Variants in RBFOX1 observed in about 807,000 individuals in gnomAD.
RBFOX1 encodes RNA binding protein fox-1 homolog 1.
Under a neutral mutation model 57.7 loss-of-function variants are expected in RBFOX1, and 8 were observed. The observed-to-expected ratio is 0.14, with a 90% CI of 0.08 to 0.25. The LOEUF is 0.25. Ranked by LOEUF, RBFOX1 falls within the 10% of genes least tolerant of loss-of-function variation. RBFOX1 has a pLI of 1.00. For missense variants in RBFOX1, 611 were observed against 548.5 expected, an observed-to-expected ratio of 1.11 and a Z score of -1.14; for synonymous variants, 326 against 222.4, an observed-to-expected ratio of 1.47 and a Z score of -4.15.
chr16:6,389,864 T>C (rs917516205), intron 2 of RBFOX1, among the ~76,000 whole-genome samples: 1 of 152,114 alleles, frequency 6.6e-6, no homozygotes, highest in Non-Finnish European at 1.5e-5. Context: ...TTTGGGATAA[T>C]AGGATTGTAC....
intron 4 of RBFOX1, among the ~76,000 whole-genome samples, chr16:7,212,480 A>T (rs1333931144): frequency 2.6e-5 from 4 of 152,280 alleles, no homozygotes; most frequent in African/African-American, 7.2e-5. Context: ...AGTTTAGGGA[A>T]TTACAAAATC....
At chr16:5,419,072 C>T (rs960036539) in intron 1 of RBFOX1, among the ~76,000 whole-genome samples, 4 of 152,198 alleles carry the variant, frequency 2.6e-5, no homozygotes, top group African/African-American at 7.2e-5. Context: ...GACAGACCAG[C>T]TTACCTGAGC....
At chr16:5,954,631 CT>C (rs1169417332) in intron 4 of RBFOX1, among the ~76,000 whole-genome samples, 2 of 152,116 alleles carry the variant, frequency 1.3e-5, no homozygotes, top group Non-Finnish European at 2.9e-5. Flanking sequence ...GCTCTGGAAA[CT>C]GTAATGAGGA....
At chr16:6,520,862 A>C (rs983329815) in intron 2 of RBFOX1, among the ~76,000 whole-genome samples, 1 of 152,194 alleles carries the variant, frequency 6.6e-6, no homozygotes, top group South Asian at 2.1e-4. Flanking sequence ...TGCTATTGTC[A>C]ATAGAAAGTA....
chr16:5,979,145 G>T (rs980638554), intron 4 of RBFOX1, among the ~76,000 whole-genome samples: 1 of 152,204 alleles, frequency 6.6e-6, no homozygotes, highest in Non-Finnish European at 1.5e-5. Context: ...AAAGCTTCCA[G>T]TTAAAACTCC....
intron 3 of RBFOX1, among the ~76,000 whole-genome samples, chr16:6,966,828 T>A (rs1289588662): frequency 3.3e-5 from 5 of 149,422 alleles, no homozygotes; most frequent in Admixed American, 1.3e-4. Context: ...TCTATCTATC[T>A]GTCTATCTAT....
At chr16:5,651,644 T>G (rs1479813504) in intron 3 of RBFOX1, among the ~76,000 whole-genome samples, 1 of 152,170 alleles carries the variant, frequency 6.6e-6, no homozygotes, top group Non-Finnish European at 1.5e-5. Context: ...ATCAGCTGTG[T>G]GAATTCCCAG....
intron 4 of RBFOX1, among the ~76,000 whole-genome samples, chr16:5,891,033 G>C (rs780932141): frequency 6.6e-6 from 1 of 152,144 alleles, no homozygotes; most frequent in Non-Finnish European, 1.5e-5. Context: ...GAGAAGATGC[G>C]TGCAAATCCC....
At chr16:5,818,919 A>T (rs1035679898) in intron 3 of RBFOX1, among the ~76,000 whole-genome samples, 2 of 152,060 alleles carry the variant, frequency 1.3e-5, no homozygotes, top group East Asian at 3.9e-4. Flanking sequence ...CCTTTGACTC[A>T]TCTCTTTCCC....
chr16:7,002,677 A>T (rs1006106287), intron 3 of RBFOX1, among the ~76,000 whole-genome samples: 28 of 152,336 alleles, frequency 1.8e-4, no homozygotes, highest in African/African-American at 6.7e-4. Flanking sequence ...GCGCCACTGC[A>T]CTCCAGCCTG....
In RBFOX1 at chr16:6,305,010, G is replaced by T. The variant is rs1201785542; in HGVS notation, c.-126-11985G>T. Among the ~76,000 whole-genome samples the T allele has an allele frequency of 3.3e-5, 5 of 152,164 alleles. No homozygotes were observed. In the East Asian group the frequency reaches 9.7e-4, roughly 29 times the overall value. On this transcript the variant is annotated intron_variant, in intron 1 of 15. Transcript: ENST00000550418. ...GATGGATAATAACCAAAGTGAATCT[G>T]TTGGGAAGGGGTGATGCATGGTAGA...
At chr16:7,691,251 C>G (rs552036798) in intron 14 of RBFOX1, among the ~76,000 whole-genome samples, 1 of 152,068 alleles carries the variant, frequency 6.6e-6, no homozygotes, top group East Asian at 1.9e-4. Context: ...GTAATCTAAG[C>G]CAACTCTTTT....
intron 1 of RBFOX1, among the ~76,000 whole-genome samples, chr16:6,272,685 C>G (rs984194370): frequency 6.6e-6 from 1 of 152,120 alleles, no homozygotes; most frequent in African/African-American, 2.4e-5. Flanking sequence ...AAAAACAAAA[C>G]TTCTTATATA....
chr16:7,403,519 A>T (rs77204053), intron 4 of RBFOX1, among the ~76,000 whole-genome samples: 1 of 150,702 alleles, frequency 6.6e-6, no homozygotes, highest in Non-Finnish European at 1.5e-5. Flanking sequence ...TTTCTCTAGC[A>T]TAATGTCCTC....
At chr16:7,487,491 A>G (rs895604961) in intron 4 of RBFOX1, among the ~76,000 whole-genome samples, 3 of 152,174 alleles carry the variant, frequency 2.0e-5, no homozygotes, top group African/African-American at 7.2e-5. Context: ...GGGGAGCACT[A>G]AATATTAGTT....
intron 2 of RBFOX1, among the ~76,000 whole-genome samples, chr16:5,585,862 G>A (rs547818389): frequency 6.6e-6 from 1 of 152,002 alleles, no homozygotes; most frequent in Non-Finnish European, 1.5e-5. Flanking sequence ...CATTTTTTTT[G>A]GTGTGCTCTA....
chr16:7,518,636 T>C (rs2076896697), intron 5 of RBFOX1, among the ~76,000 whole-genome samples: 1 of 152,262 alleles, frequency 6.6e-6, no homozygotes, highest in African/African-American at 2.4e-5. Flanking sequence ...TTATCAATTT[T>C]CTATTCCTAT....
chr16:6,776,708 G>A (rs958466456), intron 3 of RBFOX1, among the ~76,000 whole-genome samples: 1 of 152,162 alleles, frequency 6.6e-6, no homozygotes, highest in Non-Finnish European at 1.5e-5. Context: ...ATGCCTGCCA[G>A]GATGCACTGC....
intron 1 of RBFOX1, among the ~76,000 whole-genome samples, chr16:6,083,914 G>T (rs1266216777): frequency 6.6e-6 from 1 of 152,140 alleles, no homozygotes; most frequent in African/African-American, 2.4e-5. Flanking sequence ...TTATTTGGAG[G>T]ATGGGTCAAG....
Sources: allele counts gnomAD v4.1 joint callset (sites outside exome capture counted in the v4.1 genomes callset), GRCh38; gene constraint gnomAD v4.1.1; transcripts MANE v1.5; gene names NCBI Gene and HGNC (gene_info 2026-07-23, HGNC 2026-07-21).